The following TNS3 variants were observed in gnomAD, a reference collection of about 807,000 sequenced individuals.
TNS3 encodes the protein tensin 3.
TNS3 carries 45 observed loss-of-function variants against 140.9 expected under a neutral mutation model. That is an observed-to-expected ratio of 0.32 (90% CI 0.25 to 0.41). The LOEUF (loss-of-function observed/expected upper bound fraction) is 0.41. Among genes scored for constraint, TNS3 ranks in the 10% least tolerant of loss-of-function variants. TNS3 has a pLI of 1.00. For missense variants in TNS3, 1,716 were observed against 1,906.7 expected (o/e 0.90, Z 1.86); for synonymous variants, 815 against 788.4 (o/e 1.03, Z -0.56).
chr7:47,559,438 A>C (rs1356876127), intron 1 of TNS3, among the ~76,000 whole-genome samples: 5 of 152,246 alleles, frequency 3.3e-5, no homozygotes, highest in Admixed American at 2.6e-4. Context: ...AAGGGACAGC[A>C]GAGGTGGCTT....
At chr7:47,469,208 T>C (rs377343760) in intron 4 of TNS3, among the ~76,000 whole-genome samples, 28 of 152,254 alleles carry the variant, frequency 1.8e-4, no homozygotes, top group African/African-American at 5.8e-4. Flanking sequence ...TACCCAAAAA[T>C]AATTTCAACA....
intron 17 of TNS3, among the ~76,000 whole-genome samples, chr7:47,353,843 A>C (rs1324184749): frequency 6.6e-6 from 1 of 151,990 alleles, no homozygotes; most frequent in African/African-American, 2.4e-5. Context: ...TTCTGGTAAA[A>C]CTGCAGGGGC....
intron 1 of TNS3, among the ~76,000 whole-genome samples, chr7:47,548,318 C>T (rs891008364): frequency 1.3e-5 from 2 of 152,132 alleles, no homozygotes; most frequent in Admixed American, 6.5e-5. Flanking sequence ...GCCTACCCAG[C>T]CTTCCCATAC....
chr7:47,360,029 G>A (rs959099275), intron 17 of TNS3, among the ~76,000 whole-genome samples: 3 of 152,222 alleles, frequency 2.0e-5, no homozygotes, highest in African/African-American at 7.2e-5. Flanking sequence ...CTGCTTTGCA[G>A]AGTGAGAGTA....
rs199598042 is a variant in TNS3 at position 47,303,216 on chromosome 7, C to T, written c.3191G>A (p.Gly1064Asp). 23 of 1,613,610 alleles carry T rather than the reference C, an allele frequency of 1.4e-5. No individual in the cohort carries two copies. The highest frequency in any genetic ancestry group is 1.9e-5 in the Non-Finnish European group (23 of 1,180,022). ...PLTATGAADN[G>D]FLSHNFLTVA... ...CGTGAGAAAGTTGTGGGACAGGAAG[C>T]CATTGTCGGCAGCCCCTGTCGCTGT... Residue 1064 changes from glycine (G) to aspartate (D), a missense_variant, in exon 22 of 31, where the codon GGC becomes GAC. Around this residue, in one of 3 missense-constraint regions of TNS3, gnomAD observed 1,163 missense variants for 1,182.1 expected, o/e 0.98. Coordinates refer to ENST00000311160, the MANE Select transcript of TNS3 (RefSeq NM_022748.12).
chr7:47,295,762 G>A (rs544985752), intron 24 of TNS3, among the ~76,000 whole-genome samples: 4 of 152,104 alleles, frequency 2.6e-5, no homozygotes, highest in South Asian at 2.1e-4. Flanking sequence ...TATGTTTCCC[G>A]GAAACGCTAC....
rs908627119 is a variant in TNS3 at position 47,464,814 on chromosome 7, C to T, written c.-76+16289G>A. Among the ~76,000 whole-genome samples the T allele has an allele frequency of 3.9e-5, 6 of 152,292 alleles. No homozygotes were observed. The East Asian group carries it at 1.2e-3, about 29-fold the overall frequency. Reference sequence around the variant, plus strand: ...CTGCCATCATTTGCACTCAGTCTCCCAATCACCCTAAGAAGGAACACTGCA... The same window carrying T: ...CTGCCATCATTTGCACTCAGTCTCCTAATCACCCTAAGAAGGAACACTGCA... On this transcript the variant is annotated intron_variant, in intron 4 of 30. Transcript: ENST00000311160.
chr7:47,465,647 G>A (rs746599144), intron 4 of TNS3, among the ~76,000 whole-genome samples: 5 of 152,056 alleles, frequency 3.3e-5, no homozygotes, highest in African/African-American at 4.8e-5. Context: ...AAGTCAAGCC[G>A]GGCACAATGG....
At chr7:47,285,310 C>T (rs939045534) in intron 27 of TNS3, among the ~76,000 whole-genome samples, 2 of 152,186 alleles carry the variant, frequency 1.3e-5, no homozygotes, top group Non-Finnish European at 2.9e-5. Context: ...CTGTCCCCAC[C>T]CAAATCTCAT....
chr7:47,346,560 C>T (rs1415261261), intron 17 of TNS3, among the ~76,000 whole-genome samples: 1 of 152,208 alleles, frequency 6.6e-6, no homozygotes, highest in East Asian at 1.9e-4. Context: ...AACAAGGCCA[C>T]AGCCTTGGAA....
intron 1 of TNS3, among the ~76,000 whole-genome samples, chr7:47,545,003 T>G (rs1418043763): frequency 3.3e-5 from 5 of 152,034 alleles, no homozygotes; most frequent in Admixed American, 6.6e-5. Context: ...TCTGCCACTT[T>G]GAGCACCTCG....
At chr7:47,302,309 G>A in intron 22 of TNS3, 37 bp from the exon 23 acceptor site, 1 of 1,529,298 alleles carries the variant, frequency 6.5e-7, no homozygotes, top group Non-Finnish European at 9.1e-7. Flanking sequence ...ACCATGATGG[G>A]CACTTTTCTT....
chr7:47,481,310 GT>G, intron 3 of TNS3, 169 bp from the exon 4 acceptor site: 1 of 438,460 alleles, frequency 2.3e-6, no homozygotes, highest in South Asian at 2.2e-5. Context: ...AGAGTCCAGG[GT>G]TTTGTTCACT....
chr7:47,398,365 C>A (rs374776727), intron 15 of TNS3, among the ~76,000 whole-genome samples: 7,457 of 151,192 alleles, frequency 0.049, 236 homozygotes, highest in Non-Finnish European at 0.059. Flanking sequence ...AACAAACAAA[C>A]AAACAAAAAA....
chr7:47,458,044 T>C (rs1796329023), intron 4 of TNS3, among the ~76,000 whole-genome samples: 1 of 152,250 alleles, frequency 6.6e-6, no homozygotes, highest in African/African-American at 2.4e-5. Context: ...TAAAACCTAT[T>C]GAGACAGTAC....
At chr7:47,312,703 A>AAAAAAT (rs1329286758) in intron 20 of TNS3, among the ~76,000 whole-genome samples, 1 of 149,844 alleles carries the variant, frequency 6.7e-6, no homozygotes, top group Admixed American at 6.7e-5. Context: ...ACTCTGTCTC[A>AAAAAAT]AAAAATAAAA....
intron 23 of TNS3, among the ~76,000 whole-genome samples, chr7:47,300,778 C>T (rs887584450): frequency 1.3e-5 from 2 of 152,330 alleles, no homozygotes; most frequent in Middle Eastern, 3.4e-3. Context: ...CCACAGTCAT[C>T]GGGATTCTTG....
chr7:47,389,327 G>C (rs1792372615), intron 16 of TNS3, among the ~76,000 whole-genome samples: 1 of 152,186 alleles, frequency 6.6e-6, no homozygotes, highest in Non-Finnish European at 1.5e-5. Context: ...CCAGGAAGCA[G>C]AGGAGGCCCA....
Position 47,283,696 on chromosome 7 carries a change from C to A in TNS3, c.4097+1G>T. 6.4e-7 allele frequency: 1 copy of A among 1,564,446 alleles called. No homozygotes were observed. The highest frequency in any genetic ancestry group is 8.6e-7 in the Non-Finnish European group (1 of 1,156,154). ...GCTCCTGCCTCCCTCTAGGCACTCA[C>A]TTCCTCTGATTGTCTGTCAGGGTGA... On this transcript the variant is annotated splice_donor_variant, in intron 28 of 30. Coordinates refer to ENST00000311160, the MANE Select transcript of TNS3 (RefSeq NM_022748.12). LOFTEE classifies it high-confidence loss of function.
Sources: gnomAD v4.1 joint callset for allele counts (sites outside exome capture counted in the v4.1 genomes callset) on GRCh38, gnomAD v4.1.1 for gene constraint, gnomAD v4.1.1 regional missense constraint, MANE v1.5 for transcripts, NCBI Gene and HGNC (gene_info 2026-07-23, HGNC 2026-07-21) for gene names.